HIP1: variants seen among roughly 807,000 people sequenced by gnomAD.
The protein encoded by HIP1 is huntingtin-interacting protein 1.
HIP1 carries 65 observed loss-of-function variants against 147.6 expected under a neutral mutation model. That is an observed-to-expected ratio of 0.44 (90% CI 0.36 to 0.54). The LOEUF (loss-of-function observed/expected upper bound fraction) is 0.54, where lower values mean the gene tolerates loss of function less well. Ranked by LOEUF, HIP1 falls within the 20% of genes least tolerant of loss-of-function variation. The probability of loss-of-function intolerance (pLI) is 0.00; values close to 1 mark genes in which losing one functional copy is unlikely to be tolerated. For missense variants in HIP1, 1,061 were observed against 1,299.6 expected, an observed-to-expected ratio of 0.82 and a Z score of 2.82; for synonymous variants, 479 against 504.0, an observed-to-expected ratio of 0.95 and a Z score of 0.67.
intron 1 of HIP1, among the ~76,000 whole-genome samples, chr7:75,651,305 A>G (rs1798975018): frequency 6.6e-6 from 1 of 151,760 alleles, no homozygotes; most frequent in Non-Finnish European, 1.5e-5. Flanking sequence ...CTAAAAATAC[A>G]AAAATTAGCC....
chr7:75,646,392 C>T (rs1798804328), intron 1 of HIP1, among the ~76,000 whole-genome samples: 1 of 152,220 alleles, frequency 6.6e-6, no homozygotes, highest in South Asian at 2.1e-4. Context: ...TGGCCACAGT[C>T]ATTAAATCTA....
At chr7:75,710,017 G>A (rs4731887) in intron 1 of HIP1, among the ~76,000 whole-genome samples, 68,419 of 151,820 alleles carry the variant, frequency 0.45, 15,627 homozygotes, top group Admixed American at 0.51. Flanking sequence ...AACTACAGGC[G>A]CATGCTACCA....
At chr7:75,653,311 G>A (rs941253354) in intron 1 of HIP1, among the ~76,000 whole-genome samples, 2 of 152,136 alleles carry the variant, frequency 1.3e-5, no homozygotes, top group Non-Finnish European at 2.9e-5. Flanking sequence ...CACTAGTTCT[G>A]TAATCTGAGG....
chr7:75,697,203 T>G (rs1250450598), intron 1 of HIP1, among the ~76,000 whole-genome samples: 1 of 152,158 alleles, frequency 6.6e-6, no homozygotes, highest in Non-Finnish European at 1.5e-5. Context: ...AATATCCATG[T>G]GTATAAAGGT....
At chr7:75,661,401 C>T (rs56033209) in intron 1 of HIP1, among the ~76,000 whole-genome samples, 2 of 151,176 alleles carry the variant, frequency 1.3e-5, no homozygotes, top group South Asian at 2.1e-4. Context: ...GGTGAAACCC[C>T]GTCTCTACTA....
At chr7:75,689,889 G>T (rs1449176679) in intron 1 of HIP1, among the ~76,000 whole-genome samples, 4 of 152,152 alleles carry the variant, frequency 2.6e-5, no homozygotes, top group Non-Finnish European at 5.9e-5. Context: ...TGTAAATAGT[G>T]TCATCGTCAT....
At chr7:75,704,720 C>T (rs1203784037) in intron 1 of HIP1, among the ~76,000 whole-genome samples, 7 of 151,958 alleles carry the variant, frequency 4.6e-5, no homozygotes, top group African/African-American at 1.7e-4. Flanking sequence ...ATTACAGGCA[C>T]CCGCCATCAT....
At chr7:75,664,901 G>T (rs782415655) in intron 1 of HIP1, among the ~76,000 whole-genome samples, 9 of 152,096 alleles carry the variant, frequency 5.9e-5, no homozygotes, top group African/African-American at 2.2e-4. Context: ...GATTACGGGC[G>T]TGAGCCATCA....
intron 2 of HIP1, among the ~76,000 whole-genome samples, chr7:75,596,448 A>G (rs2525457): frequency 0.46 from 70,358 of 151,762 alleles, 19,264 homozygotes; most frequent in African/African-American, 0.77. Context: ...GTACAGTGGT[A>G]CGATCTCGGC....
Position 75,641,719 on chromosome 7 carries a change from A to ACTCCCGAC in HIP1, c.121-42480_121-42473dup, listed in dbSNP as rs1798661243. On this transcript the variant is annotated intron_variant, in intron 1 of 30. Transcript: ENST00000336926. The stretch of plus-strand genomic sequence containing the variant: ...TCCATGTTGGTCAGGCTGATCTCGA[A>ACTCCCGAC]CTCCCGACCTCAGCCTCCCAAAGTG... Among the ~76,000 whole-genome samples the ACTCCCGAC allele has an allele frequency of 2.1e-5, 3 of 139,896 alleles. No homozygotes were observed. In the South Asian group the frequency reaches 6.7e-4, roughly 31 times the overall value. 91.8% of individuals were successfully genotyped at this position (139,896 alleles called of 152,430 possible).
intron 6 of HIP1, 64 bp downstream of exon 6, chr7:75,582,011 A>G: frequency 7.5e-7 from 1 of 1,341,256 alleles, no homozygotes; most frequent in South Asian, 1.2e-5. Flanking sequence ...CATGACCCTT[A>G]TGAGAAGTGT....
chr7:75,558,023 T>C (rs1415533800), intron 15 of HIP1, 144 bp downstream of exon 15: 1 of 701,316 alleles, frequency 1.4e-6, no homozygotes. Flanking sequence ...CAAGGAAGCC[T>C]GAAAAGGTGT....
chr7:75,637,631 C>A (rs1249051324), intron 1 of HIP1, among the ~76,000 whole-genome samples: 2 of 142,516 alleles, frequency 1.4e-5, no homozygotes, highest in African/African-American at 5.3e-5. Context: ...GAATGCTGGT[C>A]CAACCTCTGG....
At chr7:75,550,432 C>A (rs587667694) in intron 22 of HIP1, among the ~76,000 whole-genome samples, 36 of 152,144 alleles carry the variant, frequency 2.4e-4, no homozygotes, top group African/African-American at 8.2e-4. Flanking sequence ...TTTTTAAAGA[C>A]AAAACATAAA....
chr7:75,663,493 G>A (rs1338634983), intron 1 of HIP1, among the ~76,000 whole-genome samples: 1 of 151,802 alleles, frequency 6.6e-6, no homozygotes, highest in African/African-American at 2.4e-5. Context: ...CAGCAGGCGA[G>A]GCGGACTGAT....
At chr7:75,725,113 A>C (rs1301727408) in intron 1 of HIP1, among the ~76,000 whole-genome samples, 1 of 151,812 alleles carries the variant, frequency 6.6e-6, no homozygotes, top group South Asian at 2.1e-4. Flanking sequence ...GCAGCCTCCA[A>C]CTTGGGCTCA....
chr7:75,716,827 G>T lies in HIP1; in HGVS notation c.120+21974C>A, dbSNP rs868940286. On this transcript the variant is annotated intron_variant, in intron 1 of 30. Transcript: ENST00000336926. Reference sequence around the variant, plus strand: ...AACCACCACGCCCAGCTTTTTTTTAGGGGGGGGGAAAGGATCTCACTCTGT... The same window carrying T: ...AACCACCACGCCCAGCTTTTTTTTATGGGGGGGGAAAGGATCTCACTCTGT... Among the ~76,000 whole-genome samples the T allele has an allele frequency of 8.9e-3, 1,178 of 132,828 alleles. 15 individuals are homozygous for T. Among genetic ancestry groups the T allele is most frequent in the African/African-American group, 0.039 (1,121 of 28,484 alleles). The allele number at this position is 132,828 out of a possible 152,430, so 87.1% of individuals were successfully genotyped here. A position where few individuals can be genotyped will look rare whatever the true frequency, so the allele number is the denominator to read the frequency against.
chr7:75,728,485 G>A (rs1801723323), intron 1 of HIP1, among the ~76,000 whole-genome samples: 1 of 152,202 alleles, frequency 6.6e-6, no homozygotes, highest in Non-Finnish European at 1.5e-5. Context: ...CCAGCCCACT[G>A]CACAAGGCTG....
At chr7:75,609,598 G>T (rs1238774297) in intron 1 of HIP1, among the ~76,000 whole-genome samples, 1 of 148,826 alleles carries the variant, frequency 6.7e-6, no homozygotes, top group Non-Finnish European at 1.5e-5. Context: ...TTGCCCTGTC[G>T]CCAGGCTGCA....
Sources: gnomAD v4.1 joint callset for allele counts (sites outside exome capture counted in the v4.1 genomes callset) on GRCh38, gnomAD v4.1.1 for gene constraint, MANE v1.5 for transcripts, NCBI Gene and HGNC (gene_info 2026-07-23, HGNC 2026-07-21) for gene names.